HEATR1: variants seen among roughly 807,000 people sequenced by gnomAD.
The protein encoded by HEATR1 is HEAT repeat-containing protein 1.
In HEATR1, 77 loss-of-function variants were observed where a neutral mutation model predicts 248.2. The ratio of observed to expected loss-of-function variants is 0.31; its 90% CI spans 0.26 to 0.37. The LOEUF (loss-of-function observed/expected upper bound fraction) is 0.37, where lower values mean the gene tolerates loss of function less well. Among genes scored for constraint, HEATR1 ranks in the 10% least tolerant of loss-of-function variants. The pLI, the probability that HEATR1 is intolerant of heterozygous loss-of-function variation, is 1.00. For synonymous variants in HEATR1, 897 were observed against 923.1 expected, an observed-to-expected ratio of 0.97 and a Z score of 0.51; for missense variants, 2,420 against 2,504.9, an observed-to-expected ratio of 0.97 and a Z score of 0.72.
chr1:236,556,155 C>A lies in HEATR1; in HGVS notation c.5459G>T (p.Arg1820Leu), dbSNP rs1384201484. 2 of 1,613,928 alleles carry A rather than the reference C, an allele frequency of 1.2e-6. No homozygotes were observed. The highest frequency in any genetic ancestry group is 1.7e-6 in the Non-Finnish European group (2 of 1,180,036). The change falls in exon 38 of 45, where the codon CGA becomes CTA. Residue 1820 changes from arginine to leucine, a missense_variant. Physicochemically the swap from Arg to Leu is moderately radical, Grantham distance 102. Coordinates refer to ENST00000366582, the MANE Select transcript of HEATR1 (RefSeq NM_018072.6). ...KKTLATTLAPRVLLPAIKKTY... is the reference protein window; with the variant it reads ...KKTLATTLAPLVLLPAIKKTY... ...TTTTTTGATGGCGGGCAACAGGACT[C>A]GGGGTGCAAGTGTGGTAGCCAGTGT...
chr1:236,582,869 T>A lies in HEATR1; in HGVS notation c.2429A>T (p.Asp810Val), dbSNP rs1663789588. The change falls in exon 19 of 45, where the codon GAT (aspartate) becomes GTT (valine). Residue 810 changes from aspartate (D) to valine (V), a missense_variant. By Grantham distance (152) the Asp-to-Val change is radical. Coordinates refer to ENST00000366582, the MANE Select transcript of HEATR1 (RefSeq NM_018072.6). ...LKAPKSFPKG[D>V]IWWNPEQLKE... ...CAGTTGTTCAGGATTCCACCATATA[T>A]CACCTACAAGGACATGGAAAGAGAA... 2 of 1,613,918 alleles carry A rather than the reference T, an allele frequency of 1.2e-6. No homozygotes were observed. Among genetic ancestry groups the A allele is most frequent in the African/African-American group, 2.7e-5 (2 of 74,896 alleles).
chr1:236,600,532 T>C (rs1442421575), intron 3 of HEATR1, among the ~76,000 whole-genome samples: 1 of 151,462 alleles, frequency 6.6e-6, no homozygotes, highest in Non-Finnish European at 1.5e-5. Flanking sequence ...ACATTGCCTT[T>C]TATTAGATTT....
intron 28 of HEATR1, among the ~76,000 whole-genome samples, chr1:236,570,594 C>T (rs1558182748): frequency 6.6e-6 from 1 of 151,970 alleles, no homozygotes; most frequent in African/African-American, 2.4e-5. Context: ...ACAGAAACTT[C>T]GTGAATATAC....
chr1:236,574,757 C>T lies in HEATR1; in HGVS notation c.3231G>A (p.Glu1077=), dbSNP rs752937114. The change falls in exon 23 of 45, where the codon GAG becomes GAA. Residue 1077 remains glutamate, a synonymous_variant. Coordinates refer to ENST00000366582, the MANE Select transcript of HEATR1 (RefSeq NM_018072.6). ...TAAATATATCTAGACTCTTCGGATC[C>T]TCATTTAAAAGGGAAACTGAAAATT... ...YNEFSVSLLN[E]DPKSLDIFIK... 6.2e-7 allele frequency: 1 copy of T among 1,613,842 alleles called. No individual in the cohort carries two copies. The highest frequency in any genetic ancestry group is 1.7e-5 in the Admixed American group (1 of 60,002).
rs76933417 is a variant in HEATR1 at position 236,550,711 on chromosome 1, C to T, written c.*191G>A. ...CATTTACTCTTTCTGCAGCTCTATACGATAGGCAGGAGAGGCTTATGTGGC... is the reference window on the plus strand; with the variant it reads ...CATTTACTCTTTCTGCAGCTCTATATGATAGGCAGGAGAGGCTTATGTGGC... On this transcript the variant is annotated 3_prime_UTR_variant, in exon 45 of 45. Transcript: ENST00000366582. 16 of 525,188 alleles carry T rather than the reference C, an allele frequency of 3.0e-5. No individual in the cohort carries two copies. The highest frequency in any genetic ancestry group is 2.1e-4 in the African/African-American group (11 of 51,992). 32.5% of individuals were successfully genotyped at this position (525,188 alleles called of 1,614,324 possible).
intron 26 of HEATR1, 147 bp from the exon 27 acceptor site, chr1:236,571,833 G>A (rs1171934301): frequency 3.1e-6 from 2 of 655,624 alleles, no homozygotes; most frequent in Non-Finnish European, 5.4e-6. Context: ...ATCAAGTCTA[G>A]AAATAAGATA....
At position 236,566,816 on chromosome 1, in the gene HEATR1, T is replaced by C; in HGVS notation, c.4138A>G (p.Ile1380Val). ...GGCAGCGCATCCACAAATACACTAA[T>C]GATTTTTACCACAATCTCTTCAACG... The part of the protein sequence containing the change: ...RNVEEIVVKI[I>V]SVFVDALPHV... Residue 1380 changes from isoleucine to valine, a missense_variant, in exon 30 of 45, where the codon ATT becomes GTT. Ile to Val is a conservative substitution (Grantham distance 29). Transcript: ENST00000366582. 6.2e-7 allele frequency: 1 copy of C among 1,614,150 alleles called. No individual in the cohort carries two copies. Among genetic ancestry groups the C allele is most frequent in the Middle Eastern group, 1.6e-4 (1 of 6,062 alleles).
chr1:236,566,965 G>A, intron 29 of HEATR1, 89 bp from the exon 30 acceptor site: 2 of 818,074 alleles, frequency 2.4e-6, no homozygotes, highest in Non-Finnish European at 4.0e-6. Flanking sequence ...TTTTAGATGG[G>A]CCCCAAGAAA....
At position 236,588,063 on chromosome 1, in the gene HEATR1, C is replaced by G; in HGVS notation, c.1531-20G>C. ...ACCCTCCTGAGCAATAAAAGAAAAA[C>G]ATTAATTTAGCTGTTGCCAAAAATC... On this transcript the variant is annotated intron_variant, in intron 12 of 44. Coordinates refer to ENST00000366582, the MANE Select transcript of HEATR1 (RefSeq NM_018072.6). 6.3e-7 allele frequency: 1 copy of G among 1,587,344 alleles called. No individual in the cohort carries two copies. Among genetic ancestry groups the G allele is most frequent in the South Asian group, 1.1e-5 (1 of 87,922 alleles).
chr1:236,601,057 T>C (rs1664309826), intron 3 of HEATR1, among the ~76,000 whole-genome samples: 1 of 152,194 alleles, frequency 6.6e-6, no homozygotes. Context: ...GCAAAAAGTA[T>C]TCCTTACATT....
chr1:236,593,715 T>C (rs191937471), intron 9 of HEATR1, among the ~76,000 whole-genome samples: 98 of 152,306 alleles, frequency 6.4e-4, no homozygotes, highest in African/African-American at 1.9e-3. Context: ...TCAGATATTA[T>C]GGTCCATTTA....
At position 236,549,998 on chromosome 1, in the gene HEATR1, A is replaced by AC. The variant is rs1386984049; in HGVS notation, c.*903dup. The AC allele has an allele frequency of 1.3e-5, 2 of 152,218 alleles. No homozygotes were observed. The highest frequency in any genetic ancestry group is 1.5e-5 in the Non-Finnish European group (1 of 68,042). 9.4% of individuals were successfully genotyped at this position (152,218 alleles called of 1,614,324 possible). A position where few individuals can be genotyped will look rare whatever the true frequency, so the allele number is the denominator to read the frequency against. The stretch of plus-strand genomic sequence containing the variant: ...TCAAAGGCTTTTAAACTCAATGCGA[A>AC]CATTCTACGGGATGTTCTTAGATGC... On this transcript the variant is annotated 3_prime_UTR_variant, in exon 45 of 45. Coordinates refer to ENST00000366582, the MANE Select transcript of HEATR1 (RefSeq NM_018072.6).
intron 44 of HEATR1, 160 bp downstream of exon 44, chr1:236,551,839 C>G (rs1558174180): frequency 1.7e-6 from 1 of 578,180 alleles, no homozygotes; most frequent in Non-Finnish European, 3.1e-6. Context: ...AACAGGAGCT[C>G]GAGCCTGCCT....
chr1:236,577,502 T>C (rs967175942), intron 20 of HEATR1, among the ~76,000 whole-genome samples: 2 of 150,264 alleles, frequency 1.3e-5, no homozygotes, highest in African/African-American at 4.9e-5. Flanking sequence ...TTTTTTTTTT[T>C]TTTCAGATGG....
intron 33 of HEATR1, among the ~76,000 whole-genome samples, chr1:236,560,132 A>G (rs978614781): frequency 6.7e-6 from 1 of 150,242 alleles, no homozygotes; most frequent in Non-Finnish European, 1.5e-5. Flanking sequence ...TATCTAGCTC[A>G]TGCTCAGTGG....
intron 23 of HEATR1, 142 bp downstream of exon 23, chr1:236,574,519 T>C (rs1193674612): frequency 5.7e-6 from 7 of 1,236,318 alleles, no homozygotes; most frequent in East Asian, 2.4e-5. Flanking sequence ...ATACATCATT[T>C]TCCTTTAAAA....
chr1:236,580,519 CT>C lies in HEATR1; in HGVS notation c.2755+702del, dbSNP rs10692063. Among the ~76,000 whole-genome samples the C allele has an allele frequency of 4.1e-4, 54 of 132,112 alleles. 1 individual carries two copies. The highest frequency in any genetic ancestry group is 1.1e-3 in the East Asian group (5 of 4,494). 86.7% of individuals were successfully genotyped at this position (132,112 alleles called of 152,430 possible). ...CAGAAATATGTATAGATGTACAGCC[CT>C]TTTTTTTTTTTTTTGAGACAGGGTC... On this transcript the variant is annotated intron_variant, in intron 20 of 44. Transcript: ENST00000366582.
At chr1:236,558,931 G>A in intron 35 of HEATR1, 64 bp downstream of exon 35, 1 of 1,395,456 alleles carries the variant, frequency 7.2e-7, no homozygotes, top group Non-Finnish European at 9.7e-7. Context: ...ATTGAAGGGA[G>A]TTAAATGCAG....
Position 236,590,961 on chromosome 1 carries a change from G to C in HEATR1, c.1423-7C>G, listed in dbSNP as rs755977471. 2 of 1,340,158 alleles carry C rather than the reference G, an allele frequency of 1.5e-6. No individual in the cohort carries two copies. The highest frequency in any genetic ancestry group is 2.0e-6 in the Non-Finnish European group (2 of 997,718). The allele number at this position is 1,340,158 out of a possible 1,614,324, so 83.0% of individuals were successfully genotyped here. On this transcript the variant is annotated splice_region_variant and splice_polypyrimidine_tract_variant and intron_variant, in intron 11 of 44. Transcript: ENST00000366582. ...TATCAGAATCTGCTAAAAACTACAG[G>C]GTTCAACATAGTTATCAAATGATTT... is the stretch of plus-strand genomic sequence containing the variant.
Sources: allele counts gnomAD v4.1 joint callset (sites outside exome capture counted in the v4.1 genomes callset), GRCh38; gene constraint gnomAD v4.1.1; transcripts MANE v1.5; gene names NCBI Gene and HGNC (gene_info 2026-07-23, HGNC 2026-07-21).